KLHL32: variants seen among roughly 807,000 people sequenced by gnomAD.
KLHL32 encodes the protein kelch-like protein 32.
In KLHL32, 35 loss-of-function variants were observed where a neutral mutation model predicts 64.8. The ratio of observed to expected loss-of-function variants is 0.54; its 90% CI spans 0.41 to 0.72. The LOEUF is 0.72. Among genes scored for constraint, KLHL32 ranks in the 30% least tolerant of loss-of-function variants. The pLI, the probability that KLHL32 is intolerant of heterozygous loss-of-function variation, is 0.00. For missense variants in KLHL32, 589 were observed against 768.5 expected, an observed-to-expected ratio of 0.77 and a Z score of 2.76; for synonymous variants, 259 against 281.0, an observed-to-expected ratio of 0.92 and a Z score of 0.78.
intron 1 of KLHL32, among the ~76,000 whole-genome samples, chr6:96,938,370 C>A (rs13198696): frequency 0.23 from 35,025 of 152,116 alleles, 4,306 homozygotes; most frequent in African/African-American, 0.3. Context: ...GTCCTGGGGT[C>A]CCTGGCCAGG....
At chr6:97,126,613 A>G (rs989514633) in intron 7 of KLHL32, among the ~76,000 whole-genome samples, 7 of 152,180 alleles carry the variant, frequency 4.6e-5, no homozygotes, top group Non-Finnish European at 4.4e-5. Flanking sequence ...TGTGCTGCTC[A>G]GTATGGTAGC....
intron 3 of KLHL32, among the ~76,000 whole-genome samples, chr6:97,006,656 C>T (rs776965046): frequency 1.6e-4 from 25 of 152,244 alleles, no homozygotes; most frequent in Non-Finnish European, 2.8e-4. Context: ...GGTTAGCACT[C>T]TTTTAAGGAC....
chr6:97,011,510 A>G (rs572415962), intron 3 of KLHL32, among the ~76,000 whole-genome samples: 1 of 152,364 alleles, frequency 6.6e-6, no homozygotes, highest in African/African-American at 2.4e-5. Context: ...TGAATGAGAA[A>G]AGTCTCTTTA....
intron 5 of KLHL32, among the ~76,000 whole-genome samples, chr6:97,067,491 A>T (rs1221942333): frequency 2.0e-5 from 3 of 152,192 alleles, no homozygotes. Context: ...TATAGGTTAC[A>T]GTACCCTCCT....
Position 97,138,546 on chromosome 6 carries a change from C to T in KLHL32, c.1702-575C>T, listed in dbSNP as rs574282597. On this transcript the variant is annotated intron_variant, in intron 10 of 10. Transcript: ENST00000369261. ...CCCTGTCTCAAAACAAAAACAAAAA[C>T]AAAAACAACAAAAAAACCCCAAAAA... Among the ~76,000 whole-genome samples the T allele has an allele frequency of 1.4e-4, 22 of 151,882 alleles. No homozygotes were observed. The South Asian group carries it at 4.4e-3, about 30-fold the overall frequency.
chr6:96,997,584 T>TA (rs200313479), intron 3 of KLHL32, among the ~76,000 whole-genome samples: 14,058 of 151,284 alleles, frequency 0.093, 700 homozygotes, highest in Non-Finnish European at 0.12. Flanking sequence ...CCTGTCTCTA[T>TA]AAAAAAAAAT....
At chr6:97,137,253 G>A (rs1294923731) in intron 10 of KLHL32, among the ~76,000 whole-genome samples, 1 of 152,088 alleles carries the variant, frequency 6.6e-6, no homozygotes, top group East Asian at 1.9e-4. Flanking sequence ...TAAATGAGGA[G>A]TCTTGCCTTA....
intron 1 of KLHL32, among the ~76,000 whole-genome samples, chr6:96,955,797 C>T (rs1399204932): frequency 2.0e-5 from 3 of 151,932 alleles, no homozygotes; most frequent in Non-Finnish European, 4.4e-5. Flanking sequence ...ATTAGCTGGG[C>T]GTGGTGGTGG....
chr6:96,926,790 G>GT (rs536557068), intron 1 of KLHL32, among the ~76,000 whole-genome samples: 275 of 152,254 alleles, frequency 1.8e-3, no homozygotes, highest in African/African-American at 6.2e-3. Context: ...AAACATGACA[G>GT]TTTTTTAAGG....
chr6:96,963,166 G>A (rs1164945018), intron 1 of KLHL32, among the ~76,000 whole-genome samples: 1 of 152,162 alleles, frequency 6.6e-6, no homozygotes, highest in Non-Finnish European at 1.5e-5. Flanking sequence ...AGATACATGT[G>A]GGGGCACCCA....
chr6:97,030,968 T>C (rs1464514780), intron 3 of KLHL32, among the ~76,000 whole-genome samples: 1 of 152,192 alleles, frequency 6.6e-6, no homozygotes, highest in Non-Finnish European at 1.5e-5. Context: ...AGCACCACAG[T>C]GAGAAAAGGA....
At chr6:97,136,085 A>G (rs1377441870) in intron 10 of KLHL32, among the ~76,000 whole-genome samples, 1 of 152,234 alleles carries the variant, frequency 6.6e-6, no homozygotes. Flanking sequence ...AAATCTGTAT[A>G]TTTGATCCAA....
At chr6:97,075,523 A>G (rs1265756373) in intron 5 of KLHL32, among the ~76,000 whole-genome samples, 1 of 152,190 alleles carries the variant, frequency 6.6e-6, no homozygotes, top group East Asian at 1.9e-4. Flanking sequence ...AAATTCACAG[A>G]GCCCTTCACA....
chr6:97,096,191 A>G (rs1794964249), intron 6 of KLHL32, among the ~76,000 whole-genome samples: 1 of 152,208 alleles, frequency 6.6e-6, no homozygotes. Context: ...TAAAGAGGTT[A>G]AAAGCCACCT....
At chr6:97,084,443 C>A (rs1300015987) in intron 5 of KLHL32, among the ~76,000 whole-genome samples, 1 of 152,066 alleles carries the variant, frequency 6.6e-6, no homozygotes, top group African/African-American at 2.4e-5. Context: ...AGCATTTCTG[C>A]AGAAACTCTT....
chr6:97,137,641 T>C (rs906200171), intron 10 of KLHL32, among the ~76,000 whole-genome samples: 5 of 151,960 alleles, frequency 3.3e-5, no homozygotes, highest in Non-Finnish European at 7.4e-5. Context: ...TTCAAGCCAT[T>C]CTCCTGCCTC....
chr6:96,977,372 C>G (rs1390552090), intron 3 of KLHL32, among the ~76,000 whole-genome samples: 1 of 152,176 alleles, frequency 6.6e-6, no homozygotes. Flanking sequence ...TAGTCTGCTT[C>G]ATATATGGAC....
At chr6:97,037,391 G>A (rs956481187) in intron 3 of KLHL32, among the ~76,000 whole-genome samples, 8 of 140,124 alleles carry the variant, frequency 5.7e-5, no homozygotes, top group Non-Finnish European at 1.2e-4. Context: ...ATAGACTTGT[G>A]AGGATAAAAA....
At chr6:97,125,597 A>C (rs1334144717) in intron 7 of KLHL32, among the ~76,000 whole-genome samples, 1 of 152,140 alleles carries the variant, frequency 6.6e-6, no homozygotes, top group Non-Finnish European at 1.5e-5. Flanking sequence ...TGATTAATGG[A>C]TGTGTTGTAC....
Sources: gnomAD v4.1 joint callset for allele counts (sites outside exome capture counted in the v4.1 genomes callset) on GRCh38, gnomAD v4.1.1 for gene constraint, MANE v1.5 for transcripts, NCBI Gene and HGNC (gene_info 2026-07-23, HGNC 2026-07-21) for gene names.